The following DCLRE1C variants were observed in gnomAD, a reference collection of about 807,000 sequenced individuals.
The protein encoded by DCLRE1C is DNA cross-link repair 1C.
Under a neutral mutation model 61.4 loss-of-function variants are expected in DCLRE1C, and 47 were observed. The observed-to-expected ratio is 0.77, with a 90% confidence interval of 0.61 to 0.98. DCLRE1C has a LOEUF of 0.98. Ranked by LOEUF, DCLRE1C falls within the 50% of genes least tolerant of loss-of-function variation. The pLI is 0.00. For synonymous variants in DCLRE1C, 337 were observed against 287.6 expected (o/e 1.17, Z -1.74); for missense variants, 858 against 816.0 (o/e 1.05, Z -0.63).
chr10:14,923,358 G>T, intron 11 of DCLRE1C: 1 of 353,426 alleles, frequency 2.8e-6, no homozygotes, highest in Non-Finnish European at 5.3e-6. Flanking sequence ...ATCACCAATG[G>T]GACTCAAAGA....
chr10:14,910,444 C>T (rs146675137), intron 13 of DCLRE1C, among the ~76,000 whole-genome samples: 409 of 152,248 alleles, frequency 2.7e-3, no homozygotes, highest in African/African-American at 9.2e-3. Context: ...CTCTCAGGCT[C>T]AGGAGATCCA....
At chr10:14,915,563 G>A (rs185783125) in intron 13 of DCLRE1C, among the ~76,000 whole-genome samples, 18 of 150,760 alleles carry the variant, frequency 1.2e-4, no homozygotes, top group African/African-American at 4.1e-4. Context: ...ACAGATTCAA[G>A]TTACCAAAGT....
chr10:14,920,074 A>G (rs537866825), intron 12 of DCLRE1C, among the ~76,000 whole-genome samples: 1 of 152,328 alleles, frequency 6.6e-6, no homozygotes, highest in South Asian at 2.1e-4. Flanking sequence ...AAGCAATTAA[A>G]TGCAACCCGG....
At chr10:14,901,628 C>G (rs1414376502), downstream of DCLRE1C, among the ~76,000 whole-genome samples, 2 of 150,738 alleles carry the variant, frequency 1.3e-5, no homozygotes, top group Non-Finnish European at 2.9e-5. Flanking sequence ...CCCAGGAATT[C>G]AAGACCAGCC....
chr10:14,949,117 T>C, intron 1 of DCLRE1C, 30 bp from the exon 2 acceptor site: 2 of 1,521,060 alleles, frequency 1.3e-6, no homozygotes, highest in Non-Finnish European at 1.8e-6. Flanking sequence ...AACTCATGAA[T>C]ATGTTTTTCC....
intron 9 of DCLRE1C, among the ~76,000 whole-genome samples, chr10:14,931,939 C>T (rs1368506502): frequency 1.3e-5 from 2 of 152,176 alleles, no homozygotes; most frequent in Non-Finnish European, 2.9e-5. Flanking sequence ...GAGGCTGAGG[C>T]AGGAGAATCG....
chr10:14,941,313 C>T (rs1564460766), intron 3 of DCLRE1C, among the ~76,000 whole-genome samples: 1 of 152,296 alleles, frequency 6.6e-6, no homozygotes, highest in Non-Finnish European at 1.5e-5. Flanking sequence ...GAGACAGGCT[C>T]TCGCTGTGTT....
At chr10:14,929,694 A>G (rs1398005327) in intron 9 of DCLRE1C, among the ~76,000 whole-genome samples, 2 of 152,184 alleles carry the variant, frequency 1.3e-5, no homozygotes, top group Non-Finnish European at 2.9e-5. Context: ...TGGAGGGAAA[A>G]AAACTAACAA....
chr10:14,908,472 T>C lies in DCLRE1C; in HGVS notation c.2015A>G (p.Glu672Gly). ...TATACTCTCACCAGTTGCCAGCTTC[T>C]CATATAAATATTGTAAATGCTCTCG... ...PKREHLQYLY[E>G]KLATGESIAV... is the part of the protein sequence containing the mutation. Residue 672 changes from glutamate (E) to glycine (G), a missense_variant, in exon 14 of 14, where the codon GAG becomes GGG. Physicochemically the swap from Glu to Gly is moderately conservative, Grantham distance 98. Coordinates refer to ENST00000378278, the MANE Select transcript of DCLRE1C (RefSeq NM_001033855.3). 6.2e-7 allele frequency: 1 copy of C among 1,614,004 alleles called. No homozygotes were observed. Among genetic ancestry groups the C allele is most frequent in the Non-Finnish European group, 8.5e-7 (1 of 1,179,992 alleles).
At chr10:14,924,354 C>T (rs1837605931) in intron 11 of DCLRE1C, among the ~76,000 whole-genome samples, 1 of 152,204 alleles carries the variant, frequency 6.6e-6, no homozygotes, top group African/African-American at 2.4e-5. Context: ...GTTCAGAATG[C>T]TAAACAGAGG....
rs747660823 is a variant in DCLRE1C at position 14,916,585 on chromosome 10, C to G, written c.1156+3153G>C. ...AATCCAAAACACTTCTGCTCCCAAGCATTTTGAATAAGGGACACTCAGCCT... is the reference window on the plus strand; with the variant it reads ...AATCCAAAACACTTCTGCTCCCAAGGATTTTGAATAAGGGACACTCAGCCT... On this transcript the variant is annotated intron_variant, in intron 13 of 13. Coordinates refer to ENST00000378278, the MANE Select transcript of DCLRE1C (RefSeq NM_001033855.3). Among the ~76,000 whole-genome samples the G allele has an allele frequency of 3.0e-4, 45 of 152,186 alleles. 1 individual carries two copies. The highest frequency in any genetic ancestry group is 2.1e-3 in the Admixed American group (32 of 15,282).
chr10:14,954,080 G>A lies in DCLRE1C; in HGVS notation c.-70C>T. On this transcript the variant is annotated 5_prime_UTR_variant, in exon 1 of 14. Coordinates refer to ENST00000378278, the MANE Select transcript of DCLRE1C (RefSeq NM_001033855.3). ...AGCCAAGGCCAGCCCTGACCGCGCCGCCACTTCCGGGAAGCCGCGCGCTGC... is the reference window on the plus strand; with the variant it reads ...AGCCAAGGCCAGCCCTGACCGCGCCACCACTTCCGGGAAGCCGCGCGCTGC... 1.2e-6 allele frequency: 2 copies of A among 1,603,844 alleles called. No individual in the cohort carries two copies. The highest frequency in any genetic ancestry group is 8.5e-7 in the Non-Finnish European group (1 of 1,177,242).
At position 14,917,813 on chromosome 10, in the gene DCLRE1C, TCAAAA is replaced by T. The variant is rs367993024; in HGVS notation, c.1156+1920_1156+1924del. Among the ~76,000 whole-genome samples, 1,432 of 152,212 alleles carry T rather than the reference TCAAAA, an allele frequency of 9.4e-3. 21 individuals are homozygous for T. Among genetic ancestry groups the T allele is most frequent in the African/African-American group, 0.032 (1,315 of 41,520 alleles). On this transcript the variant is annotated intron_variant, in intron 13 of 13. Coordinates refer to ENST00000378278, the MANE Select transcript of DCLRE1C (RefSeq NM_001033855.3). Reference sequence around the variant, plus strand: ...GTCTGGGTGACAGCAAGACTCTGTCTCAAAACAAAACAAACCCAACAATTTAAAAA... The same window carrying T: ...GTCTGGGTGACAGCAAGACTCTGTCTCAAAACAAACCCAACAATTTAAAAA...
intron 11 of DCLRE1C, among the ~76,000 whole-genome samples, chr10:14,924,633 G>C (rs961457301): frequency 1.3e-5 from 2 of 152,098 alleles, no homozygotes; most frequent in African/African-American, 4.8e-5. Flanking sequence ...TGGATCACAA[G>C]GTCAGGAGTT....
chr10:14,937,053 A>C (rs1178711315), intron 4 of DCLRE1C, among the ~76,000 whole-genome samples: 1 of 151,962 alleles, frequency 6.6e-6, no homozygotes, highest in Non-Finnish European at 1.5e-5. Flanking sequence ...TAAGAAATGA[A>C]CACATGTTGT....
At chr10:14,920,539 C>A (rs918312301) in intron 12 of DCLRE1C, 3 of 419,068 alleles carry the variant, frequency 7.2e-6, no homozygotes, top group Non-Finnish European at 9.6e-6. Flanking sequence ...GTTCCCACAG[C>A]TGTTCTCTGG....
At chr10:14,952,167 G>C (rs1842547402) in intron 1 of DCLRE1C, among the ~76,000 whole-genome samples, 1 of 152,188 alleles carries the variant, frequency 6.6e-6, no homozygotes, top group African/African-American at 2.4e-5. Context: ...AACACGAAGT[G>C]CAAGTTTCGG....
downstream of DCLRE1C, chr10:14,903,205 C>G (rs1029802909): frequency 4.6e-5 from 7 of 152,142 alleles, no homozygotes; most frequent in African/African-American, 1.7e-4. Flanking sequence ...CCGAAGAGCT[C>G]TCTCTAGAAG....
chr10:14,939,853 T>C lies in DCLRE1C; in HGVS notation c.263A>G (p.Glu88Gly), dbSNP rs780101922. Residue 88 changes from glutamate (E) to glycine (G), a missense_variant, in exon 4 of 14, where the codon GAG (glutamate) becomes GGG (glycine). Glu to Gly is a moderately conservative substitution (Grantham distance 98). Coordinates refer to ENST00000378278, the MANE Select transcript of DCLRE1C (RefSeq NM_001033855.3). ...WKKRIISIEIETPTQISLVDE... is the reference protein window; with the variant it reads ...WKKRIISIEIGTPTQISLVDE... ...CACTAAAGATATCTGGGTAGGAGTC[T>C]CGATTTCAATAGATATCTATAAAAA... The C allele has an allele frequency of 6.3e-7, 1 of 1,595,854 alleles. No homozygotes were observed. The highest frequency in any genetic ancestry group is 1.1e-5 in the South Asian group (1 of 89,598).
Sources: gnomAD v4.1 joint callset for allele counts (sites outside exome capture counted in the v4.1 genomes callset) on GRCh38, gnomAD v4.1.1 for gene constraint, MANE v1.5 for transcripts, NCBI Gene and HGNC (gene_info 2026-07-23, HGNC 2026-07-21) for gene names.